LCLAT1: variants seen among roughly 807,000 people sequenced by gnomAD.
LCLAT1 encodes the protein 1-AGP acyltransferase 8.
Under a neutral mutation model 30.7 loss-of-function variants are expected in LCLAT1, and 11 were observed. The observed-to-expected ratio is 0.36, with a 90% CI of 0.23 to 0.59. The LOEUF (loss-of-function observed/expected upper bound fraction) is 0.59, where lower values mean the gene tolerates loss of function less well. LCLAT1 is among the 20% of genes least tolerant of loss of function. The probability of loss-of-function intolerance (pLI) is 0.77; values close to 1 mark genes in which losing one functional copy is unlikely to be tolerated. For synonymous variants in LCLAT1, 155 were observed against 151.3 expected, an observed-to-expected ratio of 1.02 and a Z score of -0.18; for missense variants, 402 against 458.6, an observed-to-expected ratio of 0.88 and a Z score of 1.13.
intron 3 of LCLAT1, among the ~76,000 whole-genome samples, chr2:30,557,707 G>A (rs1404212356): frequency 6.6e-6 from 1 of 152,072 alleles, no homozygotes; most frequent in African/African-American, 2.4e-5. Context: ...GAGCCACTGT[G>A]CCCTGCCCAC....
At chr2:30,531,115 A>G (rs1685963166) in intron 2 of LCLAT1, among the ~76,000 whole-genome samples, 1 of 151,934 alleles carries the variant, frequency 6.6e-6, no homozygotes, top group Non-Finnish European at 1.5e-5. Context: ...AATACAAAAT[A>G]TTAGCTGGGT....
chr2:30,604,981 A>G (rs1418758628), intron 5 of LCLAT1, among the ~76,000 whole-genome samples: 1 of 152,232 alleles, frequency 6.6e-6, no homozygotes, highest in Non-Finnish European at 1.5e-5. Context: ...GGGAGGTTGC[A>G]CTAGATGACC....
intron 5 of LCLAT1, among the ~76,000 whole-genome samples, chr2:30,582,231 G>T (rs1484314032): frequency 6.7e-6 from 1 of 149,698 alleles, no homozygotes; most frequent in African/African-American, 2.5e-5. Flanking sequence ...CATGGCAATG[G>T]TGCTAAATTG....
rs571126775 is a variant in LCLAT1, at chr2:30,505,142, A to G, written c.-4-20445A>G. On this transcript the variant is annotated intron_variant, in intron 1 of 5. Transcript: ENST00000379509. ...TTTTTCTGTTACAGACAATGCTGCA[A>G]GGAAACATCTTTGTACATTCAGTTG... Among the ~76,000 whole-genome samples, 6 of 152,272 alleles carry G rather than the reference A, an allele frequency of 3.9e-5. No homozygotes were observed. In the South Asian group the frequency reaches 1.2e-3, roughly 32 times the overall value.
chr2:30,568,864 C>CCAAAA (rs768579102), intron 5 of LCLAT1, among the ~76,000 whole-genome samples: 1 of 89,114 alleles, frequency 1.1e-5, no homozygotes, highest in Admixed American at 1.5e-4. Flanking sequence ...TCATGAATAG[C>CCAAAA]AAAAAAAAAA....
intron 5 of LCLAT1, among the ~76,000 whole-genome samples, chr2:30,595,709 ATGG>A (rs1377198866): frequency 1.3e-5 from 2 of 152,134 alleles, no homozygotes; most frequent in Admixed American, 6.5e-5. Context: ...AATGTGTGCC[ATGG>A]TGGTTTGCTG....
chr2:30,642,836 T>A lies in LCLAT1; in HGVS notation c.*2217T>A, dbSNP rs1572738410. On this transcript the variant is annotated 3_prime_UTR_variant, in exon 6 of 6. Coordinates refer to ENST00000379509, the MANE Select transcript of LCLAT1 (RefSeq NM_001002257.3). ...TTAGAGATACAGACACTGTACTTAC[T>A]TTTTAAGAATTAGAGACAGTAACTC... is the stretch of plus-strand genomic sequence containing the variant. 9.5e-6 allele frequency: 1 copy of A among 105,312 alleles called. No individual in the cohort carries two copies. Among genetic ancestry groups the A allele is most frequent in the South Asian group, 3.1e-4 (1 of 3,198 alleles). 6.5% of individuals were successfully genotyped at this position (105,312 alleles called of 1,614,324 possible). A position where few individuals can be genotyped will look rare whatever the true frequency, so the allele number is the denominator to read the frequency against.
At chr2:30,562,327 A>G in intron 4 of LCLAT1, 35 bp downstream of exon 4, 3 of 1,544,916 alleles carry the variant, frequency 1.9e-6, no homozygotes, top group Non-Finnish European at 1.8e-6. Context: ...GTTAGAAATC[A>G]TGTAGTCTAA....
At chr2:30,547,213 G>A (rs904601494) in intron 3 of LCLAT1, among the ~76,000 whole-genome samples, 1 of 152,160 alleles carries the variant, frequency 6.6e-6, no homozygotes, top group Admixed American at 6.5e-5. Flanking sequence ...GGGGCTTCTA[G>A]TCAAGGATTC....
At chr2:30,557,522 C>T (rs1387394042) in intron 3 of LCLAT1, among the ~76,000 whole-genome samples, 2 of 151,958 alleles carry the variant, frequency 1.3e-5, no homozygotes, top group Non-Finnish European at 2.9e-5. Context: ...TCAAGTGATT[C>T]TCCTGCCTCA....
At chr2:30,570,189 T>C (rs1051940657) in intron 5 of LCLAT1, among the ~76,000 whole-genome samples, 8 of 152,192 alleles carry the variant, frequency 5.3e-5, no homozygotes, top group African/African-American at 1.9e-4. Flanking sequence ...CTCCAGGCAC[T>C]AGTCAACAAC....
chr2:30,525,523 C>T (rs1449262707), intron 1 of LCLAT1, 64 bp from the exon 2 acceptor site: 2 of 1,271,690 alleles, frequency 1.6e-6, no homozygotes, highest in East Asian at 2.3e-5. Flanking sequence ...CTCCATCATC[C>T]TGAAATTGAA....
chr2:30,456,899 T>C (rs1047290255), intron 1 of LCLAT1, among the ~76,000 whole-genome samples: 2 of 152,120 alleles, frequency 1.3e-5, no homozygotes, highest in African/African-American at 4.8e-5. Context: ...GAAGCGAAAG[T>C]TGGACAGGGA....
intron 5 of LCLAT1, among the ~76,000 whole-genome samples, chr2:30,610,678 A>T (rs1392309413): frequency 6.6e-6 from 1 of 152,106 alleles, no homozygotes; most frequent in Non-Finnish European, 1.5e-5. Flanking sequence ...TCTGTTTTAT[A>T]TTATAATGTT....
intron 5 of LCLAT1, among the ~76,000 whole-genome samples, chr2:30,602,886 A>T (rs1667258424): frequency 6.6e-6 from 1 of 152,134 alleles, no homozygotes; most frequent in South Asian, 2.1e-4. Flanking sequence ...AGATAAGAAG[A>T]TGTCTAGAAA....
rs144638142 is a variant in LCLAT1 at position 30,575,366 on chromosome 2, T to G, written c.628+7190T>G. ...TCCTAATACCATGCCAGGAATATTA[T>G]AGGTACTCAATAAATTTATAGTTTG... On this transcript the variant is annotated intron_variant, in intron 5 of 5. Coordinates refer to ENST00000379509, the MANE Select transcript of LCLAT1 (RefSeq NM_001002257.3). Among the ~76,000 whole-genome samples, 18 of 152,282 alleles carry G rather than the reference T, an allele frequency of 1.2e-4. No homozygotes were observed. The East Asian group carries it at 3.5e-3, about 29-fold the overall frequency.
rs1572739831 is a variant in LCLAT1 at position 30,643,733 on chromosome 2, T to A, written c.*3114T>A. Reference sequence around the variant, plus strand: ...CTGTTGGTGTTAAATTGTTTACATTTCTTTATACAAATAATGTGCTTTCAG... The same window carrying A: ...CTGTTGGTGTTAAATTGTTTACATTACTTTATACAAATAATGTGCTTTCAG... On this transcript the variant is annotated 3_prime_UTR_variant, in exon 6 of 6. Transcript: ENST00000379509. The A allele has an allele frequency of 2.0e-5, 3 of 152,662 alleles. No individual in the cohort carries two copies. The highest frequency in any genetic ancestry group is 7.2e-5 in the African/African-American group (3 of 41,464). The allele number at this position is 152,662 out of a possible 1,614,324, so 9.5% of individuals were successfully genotyped here.
At chr2:30,476,484 G>A (rs1488093802) in intron 1 of LCLAT1, 2 of 456,438 alleles carry the variant, frequency 4.4e-6, no homozygotes, top group East Asian at 6.9e-5. Context: ...AGGAACGCAG[G>A]CCCTATAACT....
intron 3 of LCLAT1, among the ~76,000 whole-genome samples, chr2:30,557,853 G>A (rs1665001858): frequency 6.6e-6 from 1 of 152,140 alleles, no homozygotes; most frequent in Non-Finnish European, 1.5e-5. Context: ...TATAGTACAT[G>A]TATTTCTTTT....
Sources: allele counts gnomAD v4.1 joint callset (sites outside exome capture counted in the v4.1 genomes callset), GRCh38; gene constraint gnomAD v4.1.1; transcripts MANE v1.5; gene names NCBI Gene and HGNC (gene_info 2026-07-23, HGNC 2026-07-21).